Variants in RNF152 observed in about 807,000 individuals in gnomAD.
RNF152 encodes the protein ring finger protein 152.
RNF152 carries 11 observed loss-of-function variants against 12.7 expected under a neutral mutation model. That is an observed-to-expected ratio of 0.86 (90% CI 0.54 to 1.43). The LOEUF (loss-of-function observed/expected upper bound fraction) is 1.43. Among genes scored for constraint, RNF152 ranks in the 40% most tolerant of loss-of-function variants. RNF152 has a pLI of 0.00. For missense variants in RNF152, 255 were observed against 274.8 expected, an observed-to-expected ratio of 0.93 and a Z score of 0.51; for synonymous variants, 113 against 120.3, an observed-to-expected ratio of 0.94 and a Z score of 0.40.
chr18:61,890,405 A>G (rs1338392705), intron 1 of RNF152: 1 of 152,280 alleles, frequency 6.6e-6, no homozygotes, highest in Non-Finnish European at 1.5e-5. Flanking sequence ...AAGACCCTGC[A>G]GCATTTCCTT....
intron 1 of RNF152, among the ~76,000 whole-genome samples, chr18:61,828,927 T>A (rs945484834): frequency 2.0e-5 from 3 of 152,042 alleles, no homozygotes; most frequent in African/African-American, 4.8e-5. Context: ...CAGGTTGAAC[T>A]GGAAGAAGGA....
intron 1 of RNF152, among the ~76,000 whole-genome samples, chr18:61,862,738 A>G (rs1379268416): frequency 2.0e-5 from 3 of 152,254 alleles, no homozygotes; most frequent in South Asian, 2.1e-4. Flanking sequence ...TAGGGGTTTC[A>G]CCAAGTTCTG....
chr18:61,821,882 G>C (rs1037976023), intron 1 of RNF152, among the ~76,000 whole-genome samples: 1 of 152,210 alleles, frequency 6.6e-6, no homozygotes, highest in Non-Finnish European at 1.5e-5. Flanking sequence ...AGGTGGAACA[G>C]TTTCATCCTG....
chr18:61,853,830 C>A (rs868684896), intron 1 of RNF152, among the ~76,000 whole-genome samples: 1 of 152,166 alleles, frequency 6.6e-6, no homozygotes. Flanking sequence ...ATGTAGGTAA[C>A]ATATTCACAA....
intron 1 of RNF152, among the ~76,000 whole-genome samples, chr18:61,876,042 C>A (rs1159705010): frequency 6.6e-6 from 1 of 152,154 alleles, no homozygotes; most frequent in African/African-American, 2.4e-5. Context: ...TCATACTATT[C>A]CTACTCCCAT....
chr18:61,856,719 C>G (rs146365876), intron 1 of RNF152, among the ~76,000 whole-genome samples: 56 of 152,200 alleles, frequency 3.7e-4, no homozygotes, highest in African/African-American at 1.2e-3. Flanking sequence ...GGTCTGCAAA[C>G]TTAGGCACAG....
intron 1 of RNF152, among the ~76,000 whole-genome samples, chr18:61,874,564 C>G (rs988236372): frequency 6.6e-6 from 1 of 152,120 alleles, no homozygotes; most frequent in Non-Finnish European, 1.5e-5. Flanking sequence ...TACTTTAAGG[C>G]CTTTTTAGGG....
intron 1 of RNF152, among the ~76,000 whole-genome samples, chr18:61,841,008 T>A (rs1910430463): frequency 6.6e-6 from 1 of 152,192 alleles, no homozygotes; most frequent in Non-Finnish European, 1.5e-5. Context: ...ATATAAATTA[T>A]CTGGTTCCTA....
chr18:61,816,923 T>C (rs1909130139), intron 1 of RNF152, among the ~76,000 whole-genome samples: 2 of 152,228 alleles, frequency 1.3e-5, no homozygotes, highest in African/African-American at 4.8e-5. Context: ...GGGTCATCCT[T>C]CTAAAATATA....
intron 1 of RNF152, among the ~76,000 whole-genome samples, chr18:61,867,185 G>T (rs552482225): frequency 3.3e-5 from 5 of 152,150 alleles, no homozygotes; most frequent in Admixed American, 3.3e-4. Flanking sequence ...GACCGGGTGC[G>T]GTGGCTCACA....
intron 1 of RNF152, among the ~76,000 whole-genome samples, chr18:61,842,745 G>A (rs1910508927): frequency 6.6e-6 from 1 of 152,218 alleles, no homozygotes; most frequent in Non-Finnish European, 1.5e-5. Context: ...AAGGCAAGGA[G>A]GAGCAAGTCA....
At chr18:61,841,354 C>A (rs1458787751) in intron 1 of RNF152, among the ~76,000 whole-genome samples, 2 of 152,252 alleles carry the variant, frequency 1.3e-5, no homozygotes, top group African/African-American at 2.4e-5. Flanking sequence ...CACAAGGAAC[C>A]AATATTCATG....
intron 1 of RNF152, among the ~76,000 whole-genome samples, chr18:61,834,630 T>C (rs966898707): frequency 1.3e-5 from 2 of 152,162 alleles, no homozygotes; most frequent in African/African-American, 4.8e-5. Context: ...ACTCAGTAAG[T>C]GCTCAATAAA....
chr18:61,879,388 C>T (rs1282994399), intron 1 of RNF152, among the ~76,000 whole-genome samples: 2 of 152,180 alleles, frequency 1.3e-5, no homozygotes, highest in East Asian at 1.9e-4. Flanking sequence ...AAAACTATGG[C>T]ATATCATATC....
At chr18:61,851,824 T>C (rs957741367) in intron 1 of RNF152, among the ~76,000 whole-genome samples, 3 of 152,230 alleles carry the variant, frequency 2.0e-5, no homozygotes, top group Non-Finnish European at 4.4e-5. Context: ...TAACAACCCC[T>C]ATCTGTTCTT....
rs539709453 is a variant in RNF152, at chr18:61,810,648, C to CATAAATAA, written c.*5196_*5203dup. ...GGGCACCAAGAGCAAAACTCCATCT[C>CATAAATAA]ATAAATAAATAAATAAATAAATAAG... is the stretch of plus-strand genomic sequence containing the variant. On this transcript the variant is annotated 3_prime_UTR_variant, in exon 2 of 2. Transcript: ENST00000312828. 2 of 152,006 alleles carry CATAAATAA rather than the reference C, an allele frequency of 1.3e-5. No individual in the cohort carries two copies. Among genetic ancestry groups the CATAAATAA allele is most frequent in the African/African-American group, 2.4e-5 (1 of 41,390 alleles). 9.4% of individuals were successfully genotyped at this position (152,006 alleles called of 1,614,324 possible). A position where few individuals can be genotyped will look rare whatever the true frequency, so the allele number is the denominator to read the frequency against.
At chr18:61,849,267 A>G (rs927821113) in intron 1 of RNF152, among the ~76,000 whole-genome samples, 4 of 152,146 alleles carry the variant, frequency 2.6e-5, no homozygotes, top group African/African-American at 9.7e-5. Flanking sequence ...CCAAGACCCA[A>G]TCACTATGTG....
chr18:61,812,723 T>A lies in RNF152; in HGVS notation c.*3129A>T, dbSNP rs1048535323. The A allele has an allele frequency of 6.6e-6, 1 of 152,186 alleles. No individual in the cohort carries two copies. The highest frequency in any genetic ancestry group is 2.4e-5 in the African/African-American group (1 of 41,432). The allele number at this position is 152,186 out of a possible 1,614,324, so 9.4% of individuals were successfully genotyped here. A position where few individuals can be genotyped will look rare whatever the true frequency, so the allele number is the denominator to read the frequency against. On this transcript the variant is annotated 3_prime_UTR_variant, in exon 2 of 2. Coordinates refer to ENST00000312828, the MANE Select transcript of RNF152 (RefSeq NM_173557.3). The stretch of plus-strand genomic sequence containing the variant: ...GTGGGGTGGGAGGTTTGGACACCAA[T>A]GTTTTACAATTTTAAAAATTCAAAC...
At chr18:61,861,283 T>C (rs1351822188) in intron 1 of RNF152, among the ~76,000 whole-genome samples, 1 of 152,196 alleles carries the variant, frequency 6.6e-6, no homozygotes, top group African/African-American at 2.4e-5. Flanking sequence ...AGGTGTACCT[T>C]TTTTATCTTT....
Sources: gnomAD v4.1 joint callset for allele counts (sites outside exome capture counted in the v4.1 genomes callset) on GRCh38, gnomAD v4.1.1 for gene constraint, MANE v1.5 for transcripts, NCBI Gene and HGNC (gene_info 2026-07-23, HGNC 2026-07-21) for gene names.